The following CAMKMT variants were observed in gnomAD, a reference collection of about 807,000 sequenced individuals.
CAMKMT encodes calmodulin-lysine N-methyltransferase, also known as CaM KMT.
A neutral mutation model predicts 48.0 loss-of-function variants in CAMKMT; 53 were observed. The observed-to-expected ratio is 1.10, with a 90% CI of 0.89 to 1.39. The LOEUF (loss-of-function observed/expected upper bound fraction) is 1.39, where lower values mean the gene tolerates loss of function less well. Among genes scored for constraint, CAMKMT ranks in the 40% most tolerant of loss-of-function variants. The pLI is 0.00. For synonymous variants in CAMKMT, 165 were observed against 152.3 expected, an observed-to-expected ratio of 1.08 and a Z score of -0.61; for missense variants, 428 against 402.7, an observed-to-expected ratio of 1.06 and a Z score of -0.54.
At chr2:44,436,591 C>T (rs1449025286) in intron 3 of CAMKMT, among the ~76,000 whole-genome samples, 1 of 150,150 alleles carries the variant, frequency 6.7e-6, no homozygotes, top group South Asian at 2.1e-4. Flanking sequence ...TTTTTACAAA[C>T]TTTAAAAAAT....
intron 3 of CAMKMT, among the ~76,000 whole-genome samples, chr2:44,542,414 C>CA (rs900364982): frequency 2.7e-5 from 4 of 148,798 alleles, no homozygotes; most frequent in East Asian, 2.0e-4. Context: ...GGTGTTGCAA[C>CA]AAAAAAAATA....
chr2:44,425,187 A>T (rs1421492247), intron 3 of CAMKMT, among the ~76,000 whole-genome samples: 2 of 152,184 alleles, frequency 1.3e-5, no homozygotes, highest in Non-Finnish European at 1.5e-5. Context: ...ATAATGAAAA[A>T]TAAAGCTATC....
chr2:44,562,311 T>A (rs1668364658), intron 3 of CAMKMT, among the ~76,000 whole-genome samples: 1 of 152,214 alleles, frequency 6.6e-6, no homozygotes, highest in Admixed American at 6.5e-5. Flanking sequence ...TGTTTACCCT[T>A]CTTTCTTTTC....
intron 7 of CAMKMT, among the ~76,000 whole-genome samples, chr2:44,720,391 A>G (rs1678403864): frequency 6.6e-6 from 1 of 152,202 alleles, no homozygotes; most frequent in Non-Finnish European, 1.5e-5. Flanking sequence ...AAGTCAGACT[A>G]CTGTATTCTC....
At chr2:44,759,229 T>C (rs1034383177) in intron 9 of CAMKMT, among the ~76,000 whole-genome samples, 3 of 152,158 alleles carry the variant, frequency 2.0e-5, no homozygotes, top group Admixed American at 6.5e-5. Context: ...ACTCAGGTGA[T>C]CCTCCTGCCT....
intron 3 of CAMKMT, among the ~76,000 whole-genome samples, chr2:44,459,905 G>A (rs1408842054): frequency 6.6e-6 from 1 of 152,170 alleles, no homozygotes; most frequent in Non-Finnish European, 1.5e-5. Context: ...TAGTTATGCT[G>A]AGCACACATC....
intron 3 of CAMKMT, among the ~76,000 whole-genome samples, chr2:44,446,455 T>C (rs1011893434): frequency 1.3e-5 from 2 of 152,246 alleles, no homozygotes; most frequent in South Asian, 4.1e-4. Flanking sequence ...CAAGCAATTC[T>C]CATGCCTCAG....
At chr2:44,735,072 C>T (rs962825324) in intron 7 of CAMKMT, among the ~76,000 whole-genome samples, 2 of 152,164 alleles carry the variant, frequency 1.3e-5, no homozygotes, top group Non-Finnish European at 2.9e-5. Flanking sequence ...GTTATGTCTG[C>T]TTCTTGACCC....
intron 3 of CAMKMT, among the ~76,000 whole-genome samples, chr2:44,515,300 A>G (rs1449200790): frequency 1.3e-5 from 2 of 152,184 alleles, no homozygotes; most frequent in African/African-American, 4.8e-5. Flanking sequence ...GAGGCTTTTC[A>G]GTGGGACTGG....
At chr2:44,471,461 G>A (rs185406490) in intron 3 of CAMKMT, among the ~76,000 whole-genome samples, 309 of 152,146 alleles carry the variant, frequency 2.0e-3, no homozygotes, top group African/African-American at 7.2e-3. Flanking sequence ...TTAGCTGGTG[G>A]TGGTGGTGGG....
At chr2:44,428,839 C>G (rs1359861589) in intron 3 of CAMKMT, among the ~76,000 whole-genome samples, 1 of 152,152 alleles carries the variant, frequency 6.6e-6, no homozygotes, top group Non-Finnish European at 1.5e-5. Context: ...GTTTGTAAAA[C>G]TGTTACAGAC....
chr2:44,713,611 C>T (rs909682789), intron 6 of CAMKMT, among the ~76,000 whole-genome samples: 16 of 151,972 alleles, frequency 1.1e-4, no homozygotes, highest in East Asian at 7.7e-4. Context: ...TGTAATTTAA[C>T]GGTATTTAAT....
At chr2:44,442,896 T>G (rs1277672690) in intron 3 of CAMKMT, among the ~76,000 whole-genome samples, 1 of 152,204 alleles carries the variant, frequency 6.6e-6, no homozygotes, top group Non-Finnish European at 1.5e-5. Flanking sequence ...AATAAATGAG[T>G]GACTGCAAGA....
rs1309436198 is a variant in CAMKMT at position 44,757,839 on chromosome 2, T to C, written c.762+3721T>C. On this transcript the variant is annotated intron_variant, in intron 9 of 10. Transcript: ENST00000378494. Reference sequence around the variant, plus strand: ...CCGACCCCTTGGCCTACCAAAGTGCTGGGATTACAGGCATGAGCCACCACG... The same window carrying C: ...CCGACCCCTTGGCCTACCAAAGTGCCGGGATTACAGGCATGAGCCACCACG... Among the ~76,000 whole-genome samples the C allele has an allele frequency of 2.0e-5, 3 of 152,330 alleles. No homozygotes were observed. In the South Asian group the frequency reaches 6.2e-4, roughly 32 times the overall value.
intron 3 of CAMKMT, among the ~76,000 whole-genome samples, chr2:44,410,593 C>T (rs971873717): frequency 2.0e-5 from 3 of 151,834 alleles, no homozygotes; most frequent in African/African-American, 7.3e-5. Flanking sequence ...CTATTGAAAG[C>T]CCAACATAGA....
At chr2:44,473,449 A>G (rs1057316892) in intron 3 of CAMKMT, among the ~76,000 whole-genome samples, 1 of 152,220 alleles carries the variant, frequency 6.6e-6, no homozygotes, top group Non-Finnish European at 1.5e-5. Flanking sequence ...TTTTTTAAAA[A>G]CAGTGCTATG....
chr2:44,552,531 G>A (rs1459065980), intron 3 of CAMKMT, among the ~76,000 whole-genome samples: 1 of 152,092 alleles, frequency 6.6e-6, no homozygotes, highest in Admixed American at 6.6e-5. Context: ...AAAATACTGT[G>A]GCAGTGCTCA....
chr2:44,410,599 A>G (rs1067396), intron 3 of CAMKMT, among the ~76,000 whole-genome samples: 104,969 of 151,738 alleles, frequency 0.69, 36,901 homozygotes, highest in South Asian at 0.79. Flanking sequence ...AAAGCCCAAC[A>G]TAGACTCTGA....
intron 3 of CAMKMT, among the ~76,000 whole-genome samples, chr2:44,622,280 C>T (rs1354526496): frequency 6.6e-6 from 1 of 152,230 alleles, no homozygotes; most frequent in African/African-American, 2.4e-5. Context: ...AAATCAACTC[C>T]ATAGAGGTAA....
Sources: allele counts gnomAD v4.1 joint callset (sites outside exome capture counted in the v4.1 genomes callset), GRCh38; gene constraint gnomAD v4.1.1; transcripts MANE v1.5; gene names NCBI Gene and HGNC (gene_info 2026-07-23, HGNC 2026-07-21).